The following SPATA6 variants were observed in gnomAD, a reference collection of about 807,000 sequenced individuals.
SPATA6 encodes spermatogenesis associated 6.
A neutral mutation model predicts 65.3 loss-of-function variants in SPATA6; 56 were observed. The ratio of observed to expected loss-of-function variants is 0.86; its 90% CI spans 0.69 to 1.07. SPATA6 has a LOEUF of 1.07. Among genes scored for constraint, SPATA6 ranks in the 50% least tolerant of loss-of-function variants. SPATA6 has a pLI of 0.00. For synonymous variants in SPATA6, 199 were observed against 213.2 expected (o/e 0.93, Z 0.58); for missense variants, 590 against 594.8 (o/e 0.99, Z 0.08).
chr1:48,340,873 C>T (rs1179087839), intron 11 of SPATA6, among the ~76,000 whole-genome samples: 1 of 152,078 alleles, frequency 6.6e-6, no homozygotes, highest in African/African-American at 2.4e-5. Flanking sequence ...ATAAAATTGT[C>T]AGATAAACCA....
At chr1:48,305,352 C>T (rs987903249) in intron 12 of SPATA6, among the ~76,000 whole-genome samples, 15 of 152,068 alleles carry the variant, frequency 9.9e-5, no homozygotes, top group African/African-American at 3.1e-4. Flanking sequence ...TCAGTTGACA[C>T]AGAGCTGTCA....
intron 8 of SPATA6, among the ~76,000 whole-genome samples, chr1:48,392,007 T>C (rs543524067): frequency 6.6e-6 from 1 of 152,222 alleles, no homozygotes; most frequent in South Asian, 2.1e-4. Context: ...GGGACATGTT[T>C]AAAAGCAAAC....
At chr1:48,350,907 C>T (rs1257648283) in intron 11 of SPATA6, among the ~76,000 whole-genome samples, 1 of 151,888 alleles carries the variant, frequency 6.6e-6, no homozygotes, top group Non-Finnish European at 1.5e-5. Context: ...CTACTAAAAA[C>T]ATGTGCTGGA....
intron 8 of SPATA6, among the ~76,000 whole-genome samples, chr1:48,394,121 A>G (rs1330775005): frequency 6.6e-6 from 1 of 152,158 alleles, no homozygotes; most frequent in East Asian, 1.9e-4. Flanking sequence ...GCTATATGGC[A>G]ATCCTTTGTA....
intron 9 of SPATA6, among the ~76,000 whole-genome samples, chr1:48,379,033 C>A (rs963708160): frequency 6.6e-6 from 1 of 152,108 alleles, no homozygotes; most frequent in African/African-American, 2.4e-5. Context: ...TTACATGTTA[C>A]ATTAGTCTGT....
intron 9 of SPATA6, among the ~76,000 whole-genome samples, chr1:48,365,398 C>T (rs974442828): frequency 1.1e-4 from 16 of 152,128 alleles, no homozygotes; most frequent in Non-Finnish European, 1.5e-5. Flanking sequence ...GCAGTATGGC[C>T]ATTTTCACGA....
intron 8 of SPATA6, among the ~76,000 whole-genome samples, chr1:48,388,195 T>C (rs527677484): frequency 7.9e-5 from 12 of 151,878 alleles, no homozygotes; most frequent in Non-Finnish European, 1.5e-4. Context: ...AATTGCACAC[T>C]AAGCCAATGA....
At chr1:48,423,424 C>A (rs1653532083) in intron 3 of SPATA6, among the ~76,000 whole-genome samples, 1 of 150,260 alleles carries the variant, frequency 6.7e-6, no homozygotes, top group Non-Finnish European at 1.5e-5. Flanking sequence ...CCATTGCACT[C>A]CAGCCTGGGC....
Position 48,389,643 on chromosome 1 carries a change from A to C in SPATA6, c.869-4294T>G, listed in dbSNP as rs768566391. Among the ~76,000 whole-genome samples the C allele has an allele frequency of 1.6e-3, 237 of 152,276 alleles. 2 individuals are homozygous for C. Among genetic ancestry groups the C allele is most frequent in the Admixed American group, 0.013 (196 of 15,298 alleles). The stretch of plus-strand genomic sequence containing the variant: ...AAATTCAAAATGCTGAAAGAAAAAA[A>C]CCTGCCAGTCAAGGACACTCACTAT... On this transcript the variant is annotated intron_variant, in intron 8 of 12. Transcript: ENST00000371847.
At chr1:48,293,073 A>T (rs567983065), downstream of SPATA6, among the ~76,000 whole-genome samples, 77 of 152,310 alleles carry the variant, frequency 5.1e-4, 1 homozygote, top group African/African-American at 1.8e-3. Context: ...GGCCGCTATG[A>T]ACCATGGTAT....
the SPATA6 span, among the ~76,000 whole-genome samples, chr1:48,279,030 C>T: frequency 6.6e-6 from 1 of 152,164 alleles, no homozygotes; most frequent in African/African-American, 2.4e-5. Flanking sequence ...CAATATTCAA[C>T]ATTCTTAAAG....
chr1:48,347,953 C>T (rs1043980037), intron 11 of SPATA6, among the ~76,000 whole-genome samples: 2 of 151,938 alleles, frequency 1.3e-5, no homozygotes, highest in Non-Finnish European at 2.9e-5. Flanking sequence ...TTTTCCAGCC[C>T]CCTGACCACC....
At chr1:48,370,222 A>C (rs942774359) in intron 9 of SPATA6, among the ~76,000 whole-genome samples, 9 of 152,168 alleles carry the variant, frequency 5.9e-5, no homozygotes, top group Non-Finnish European at 1.3e-4. Context: ...ACTATTCTCT[A>C]AAGTTTCTCT....
At chr1:48,462,137 T>A (rs571264885) in intron 1 of SPATA6, among the ~76,000 whole-genome samples, 2 of 151,246 alleles carry the variant, frequency 1.3e-5, no homozygotes, top group East Asian at 3.9e-4. Flanking sequence ...AGATGGGAAT[T>A]GAACAATGAG....
the SPATA6 span, among the ~76,000 whole-genome samples, chr1:48,281,233 A>T: frequency 4.3e-4 from 66 of 151,920 alleles, no homozygotes; most frequent in African/African-American, 1.6e-3. Flanking sequence ...TATCATACTG[A>T]ATGGGCAAAA....
chr1:48,277,352 T>G, the SPATA6 span, among the ~76,000 whole-genome samples: 1 of 152,304 alleles, frequency 6.6e-6, no homozygotes, highest in South Asian at 2.1e-4. Flanking sequence ...CAGCGCACCA[T>G]GCGTGAGCCA....
intron 11 of SPATA6, among the ~76,000 whole-genome samples, chr1:48,312,878 G>T (rs1645264798): frequency 6.6e-6 from 1 of 152,172 alleles, no homozygotes; most frequent in Non-Finnish European, 1.5e-5. Flanking sequence ...GAAAACCACG[G>T]CAAGAGACAA....
At chr1:48,441,985 T>C (rs1655529600) in intron 3 of SPATA6, among the ~76,000 whole-genome samples, 1 of 152,324 alleles carries the variant, frequency 6.6e-6, no homozygotes, top group African/African-American at 2.4e-5. Context: ...CCTGCTACTT[T>C]TCTCCCAGAG....
the SPATA6 span, among the ~76,000 whole-genome samples, chr1:48,271,329 T>A: frequency 6.6e-6 from 1 of 152,122 alleles, no homozygotes; most frequent in Admixed American, 6.6e-5. Context: ...TTTAAAAAAA[T>A]TTAAGAGTAT....
Sources: gnomAD v4.1 joint callset for allele counts (sites outside exome capture counted in the v4.1 genomes callset) on GRCh38, gnomAD v4.1.1 for gene constraint, MANE v1.5 for transcripts, NCBI Gene and HGNC (gene_info 2026-07-23, HGNC 2026-07-21) for gene names.